The following RGS6 variants were observed in gnomAD, a reference collection of about 807,000 sequenced individuals.
The protein encoded by RGS6 is regulator of G-protein signaling 6.
In RGS6, 30 loss-of-function variants were observed where a neutral mutation model predicts 78.5. That is an observed-to-expected ratio of 0.38 (90% CI 0.29 to 0.52). RGS6 has a LOEUF of 0.52. Ranked by LOEUF, RGS6 falls within the 20% of genes least tolerant of loss-of-function variation. The probability of loss-of-function intolerance (pLI) is 0.85; values close to 1 mark genes in which losing one functional copy is unlikely to be tolerated. For missense variants in RGS6, 495 were observed against 609.7 expected (o/e 0.81, Z 1.98); for synonymous variants, 206 against 206.0 (o/e 1.00, Z 0.00).
In RGS6 at chr14:72,187,189, C is replaced by G. The variant is rs1364404580; in HGVS notation, c.85-164906C>G. Among the ~76,000 whole-genome samples the G allele has an allele frequency of 3.9e-5, 6 of 152,182 alleles. No homozygotes were observed. The South Asian group carries it at 6.2e-4, about 16-fold the overall frequency. On this transcript the variant is annotated intron_variant, in intron 2 of 17. Transcript: ENST00000553525. Reference sequence around the variant, plus strand: ...TTTTAAAAAAATCTACAGTTAACATCAAGAAACTTGAGCCTCAGTAAATGA... The same window carrying G: ...TTTTAAAAAAATCTACAGTTAACATGAAGAAACTTGAGCCTCAGTAAATGA...
intron 2 of RGS6, among the ~76,000 whole-genome samples, chr14:72,224,721 C>A (rs536064587): frequency 6.6e-6 from 1 of 152,180 alleles, no homozygotes; most frequent in Admixed American, 6.5e-5. Context: ...GTGTGTGCAT[C>A]AGTATATAAA....
chr14:72,204,127 T>C (rs533657186), intron 2 of RGS6, among the ~76,000 whole-genome samples: 1 of 152,272 alleles, frequency 6.6e-6, no homozygotes, highest in Non-Finnish European at 1.5e-5. Context: ...CCTGGCCTAT[T>C]GTAACCACTT....
At chr14:71,952,265 A>G (rs2092391270) in intron 1 of RGS6, among the ~76,000 whole-genome samples, 1 of 152,216 alleles carries the variant, frequency 6.6e-6, no homozygotes, top group Non-Finnish European at 1.5e-5. Flanking sequence ...AGTGTTTTAC[A>G]AATACCGTTT....
At chr14:72,540,344 G>A in intron 17 of RGS6, 1 of 1,458,720 alleles carries the variant, frequency 6.9e-7, no homozygotes, top group South Asian at 1.5e-5. Flanking sequence ...CCTCAGGCCT[G>A]GGCATTTGAT....
At chr14:72,332,152 G>A (rs186206215) in intron 2 of RGS6, among the ~76,000 whole-genome samples, 74 of 152,310 alleles carry the variant, frequency 4.9e-4, no homozygotes, top group African/African-American at 1.4e-3. Flanking sequence ...TGGGGAAACC[G>A]TCTGACAGAC....
chr14:72,054,685 C>A (rs1176069234), intron 2 of RGS6, among the ~76,000 whole-genome samples: 1 of 152,138 alleles, frequency 6.6e-6, no homozygotes, highest in South Asian at 2.1e-4. Context: ...TTCTTTTATA[C>A]CCCTATCTCT....
intron 3 of RGS6, among the ~76,000 whole-genome samples, chr14:72,378,102 G>A (rs1282572294): frequency 6.6e-6 from 1 of 152,174 alleles, no homozygotes; most frequent in Non-Finnish European, 1.5e-5. Context: ...ACCTGCTCCT[G>A]AGTGACCAGT....
At chr14:72,294,124 A>T (rs1022321109) in intron 2 of RGS6, among the ~76,000 whole-genome samples, 1 of 152,220 alleles carries the variant, frequency 6.6e-6, no homozygotes, top group African/African-American at 2.4e-5. Flanking sequence ...CAGAGGTACC[A>T]TTTGTTCACA....
At chr14:72,328,785 A>C (rs973645275) in intron 2 of RGS6, among the ~76,000 whole-genome samples, 1 of 152,236 alleles carries the variant, frequency 6.6e-6, no homozygotes, top group Non-Finnish European at 1.5e-5. Flanking sequence ...ATTTTAAGCT[A>C]TTCTCCCAAA....
At chr14:72,623,637 T>C in the RGS6 span, among the ~76,000 whole-genome samples, 123 of 152,332 alleles carry the variant, frequency 8.1e-4, no homozygotes, top group African/African-American at 2.9e-3. Context: ...AAAATAGAAA[T>C]GTAGGCCAAT....
At chr14:72,513,024 C>T (rs1045972979) in intron 14 of RGS6, among the ~76,000 whole-genome samples, 2 of 152,214 alleles carry the variant, frequency 1.3e-5, no homozygotes, top group South Asian at 2.1e-4. Flanking sequence ...GTGCTGGAGT[C>T]GTCCCTTCTC....
At chr14:72,532,211 C>CT (rs1459202534) in intron 15 of RGS6, among the ~76,000 whole-genome samples, 4 of 152,166 alleles carry the variant, frequency 2.6e-5, no homozygotes, top group Admixed American at 1.3e-4. Context: ...CAACATTAAG[C>CT]TTTTTTAGTA....
At chr14:72,247,681 G>T (rs1164680267) in intron 2 of RGS6, among the ~76,000 whole-genome samples, 2 of 152,186 alleles carry the variant, frequency 1.3e-5, no homozygotes, top group Admixed American at 1.3e-4. Flanking sequence ...AGAGTAATTT[G>T]GTCAAGAGGG....
At chr14:72,361,083 CTT>C (rs56251149) in intron 3 of RGS6, among the ~76,000 whole-genome samples, 36 of 138,402 alleles carry the variant, frequency 2.6e-4, no homozygotes, top group East Asian at 1.3e-3. Context: ...AATCAAACCT[CTT>C]TTTTTTTTTT....
At chr14:72,399,658 G>A (rs796798325) in intron 3 of RGS6, among the ~76,000 whole-genome samples, 1 of 152,154 alleles carries the variant, frequency 6.6e-6, no homozygotes, top group Non-Finnish European at 1.5e-5. Flanking sequence ...TGTTTTTGCA[G>A]TGGCTGGTAC....
chr14:72,107,313 A>C (rs945752295), intron 2 of RGS6, among the ~76,000 whole-genome samples: 1 of 152,066 alleles, frequency 6.6e-6, no homozygotes, highest in Non-Finnish European at 1.5e-5. Flanking sequence ...AATCATCCCT[A>C]TTGAAGCTCA....
chr14:72,312,800 C>T (rs2068983190), intron 2 of RGS6, among the ~76,000 whole-genome samples: 1 of 152,116 alleles, frequency 6.6e-6, no homozygotes, highest in Non-Finnish European at 1.5e-5. Flanking sequence ...AGCTGGAAGA[C>T]CAAGCAGCAA....
At chr14:71,983,137 A>G (rs2094539173) in intron 2 of RGS6, among the ~76,000 whole-genome samples, 2 of 152,350 alleles carry the variant, frequency 1.3e-5, no homozygotes, top group Non-Finnish European at 2.9e-5. Context: ...TGGACTGGGC[A>G]TCTGGATGTC....
the RGS6 span, among the ~76,000 whole-genome samples, chr14:72,601,376 C>T: frequency 6.6e-6 from 1 of 152,162 alleles, no homozygotes; most frequent in East Asian, 1.9e-4. Context: ...CCCTCCCCTG[C>T]TCAGGACCCT....
Sources: allele counts gnomAD v4.1 joint callset (sites outside exome capture counted in the v4.1 genomes callset), GRCh38; gene constraint gnomAD v4.1.1; transcripts MANE v1.5; gene names NCBI Gene and HGNC (gene_info 2026-07-23, HGNC 2026-07-21).